The following CTNNA3 variants were observed in gnomAD, a reference collection of about 807,000 sequenced individuals.
CTNNA3 encodes catenin alpha-3.
CTNNA3 carries 76 observed loss-of-function variants against 95.7 expected under a neutral mutation model. That is an observed-to-expected ratio of 0.79 (90% CI 0.66 to 0.96). The LOEUF is 0.96. CTNNA3 is among the 40% of genes least tolerant of loss of function. The pLI, the probability that CTNNA3 is intolerant of heterozygous loss-of-function variation, is 0.00. For synonymous variants in CTNNA3, 431 were observed against 374.4 expected (o/e 1.15, Z -1.74); for missense variants, 1,191 against 1,089.8 (o/e 1.09, Z -1.31).
chr10:66,004,306 C>G (rs1012765020), intron 15 of CTNNA3, among the ~76,000 whole-genome samples: 2 of 152,214 alleles, frequency 1.3e-5, no homozygotes, highest in African/African-American at 4.8e-5. Context: ...TCTACCTGAA[C>G]CAATCCCAAG....
chr10:65,949,065 CTATT>C (rs10612375), intron 17 of CTNNA3, among the ~76,000 whole-genome samples: 28,309 of 151,908 alleles, frequency 0.19, 2,759 homozygotes, highest in South Asian at 0.28. Flanking sequence ...GAAACAAACT[CTATT>C]TATGAAATAA....
intron 9 of CTNNA3, among the ~76,000 whole-genome samples, chr10:66,633,100 A>T (rs1388559480): frequency 6.6e-6 from 1 of 152,156 alleles, no homozygotes; most frequent in African/African-American, 2.4e-5. Context: ...CTTTTCAGAG[A>T]GCAATTTAGT....
chr10:66,677,656 C>G (rs1300169535), intron 9 of CTNNA3, among the ~76,000 whole-genome samples: 1 of 152,116 alleles, frequency 6.6e-6, no homozygotes, highest in Admixed American at 6.6e-5. Context: ...TACACAAGCT[C>G]TCTTACCTGC....
chr10:67,178,713 T>C (rs1862361420), intron 7 of CTNNA3, among the ~76,000 whole-genome samples: 1 of 151,810 alleles, frequency 6.6e-6, no homozygotes, highest in Non-Finnish European at 1.5e-5. Flanking sequence ...TAAATGTATA[T>C]ATAACTTTAC....
intron 7 of CTNNA3, among the ~76,000 whole-genome samples, chr10:66,890,909 G>C (rs1361940138): frequency 6.6e-6 from 1 of 152,080 alleles, no homozygotes; most frequent in Non-Finnish European, 1.5e-5. Flanking sequence ...GAGAGAAGGA[G>C]CAGGGGCAGG....
intron 3 of CTNNA3, among the ~76,000 whole-genome samples, chr10:67,580,873 G>A (rs1842368077): frequency 6.6e-6 from 1 of 151,942 alleles, no homozygotes; most frequent in African/African-American, 2.4e-5. Context: ...TGTTATTGGT[G>A]TATAGGAATG....
intron 13 of CTNNA3, among the ~76,000 whole-genome samples, chr10:66,185,958 C>CAT (rs1433966601): frequency 6.6e-6 from 1 of 151,648 alleles, no homozygotes; most frequent in East Asian, 1.9e-4. Flanking sequence ...TACACATACA[C>CAT]ATATATATAC....
chr10:66,026,409 G>A (rs868096653), intron 15 of CTNNA3, among the ~76,000 whole-genome samples: 2 of 151,960 alleles, frequency 1.3e-5, no homozygotes, highest in African/African-American at 2.4e-5. Context: ...GTTTAGTCTC[G>A]ATTGTTCTCT....
chr10:65,914,511 C>T lies in CTNNA3; in HGVS notation c.*5819G>A, dbSNP rs1033656702. The T allele has an allele frequency of 6.6e-5, 10 of 152,124 alleles. No homozygotes were observed. Among genetic ancestry groups the T allele is most frequent in the South Asian group, 4.1e-4 (2 of 4,832 alleles). 9.4% of individuals were successfully genotyped at this position (152,124 alleles called of 1,614,324 possible). A position where few individuals can be genotyped will look rare whatever the true frequency, so the allele number is the denominator to read the frequency against. ...TGTATTCAGGCACATACTATGCACA[C>T]GTGTGACCTCCATAAAGAAGGAAAG... On this transcript the variant is annotated 3_prime_UTR_variant, in exon 18 of 18. Coordinates refer to ENST00000433211, the MANE Select transcript of CTNNA3 (RefSeq NM_013266.4).
chr10:66,405,172 C>T (rs1008250033), intron 11 of CTNNA3, among the ~76,000 whole-genome samples: 2 of 152,002 alleles, frequency 1.3e-5, no homozygotes, highest in South Asian at 2.1e-4. Context: ...TATTTGGACT[C>T]TAAAAATGTT....
chr10:66,361,011 C>A (rs1333936088), intron 12 of CTNNA3, among the ~76,000 whole-genome samples: 1 of 150,916 alleles, frequency 6.6e-6, no homozygotes, highest in Non-Finnish European at 1.5e-5. Context: ...AGCTGGAGTA[C>A]AGTAGTGCAA....
At chr10:67,278,911 A>G (rs1839289003) in intron 5 of CTNNA3, among the ~76,000 whole-genome samples, 1 of 152,204 alleles carries the variant, frequency 6.6e-6, no homozygotes, top group African/African-American at 2.4e-5. Flanking sequence ...TTTGTAGGGC[A>G]TGATTCCCCA....
rs552965855 is a variant in CTNNA3, at chr10:66,051,213, C to T, written c.2159+18095G>A. On this transcript the variant is annotated intron_variant, in intron 15 of 17. Coordinates refer to ENST00000433211, the MANE Select transcript of CTNNA3 (RefSeq NM_013266.4). The stretch of plus-strand genomic sequence containing the variant: ...ATTACATTTATTATTCCTCTAATTT[C>T]TGTAAGTCCTCAAGGACAGAAATTG... 9.5e-4 allele frequency among the ~76,000 whole-genome samples: 145 copies of T among 152,278 alleles called. 1 individual carries two copies. The highest frequency in any genetic ancestry group is 3.4e-3 in the African/African-American group (142 of 41,570).
At chr10:67,415,923 C>T (rs1399404367) in intron 5 of CTNNA3, among the ~76,000 whole-genome samples, 2 of 152,148 alleles carry the variant, frequency 1.3e-5, no homozygotes, top group South Asian at 2.1e-4. Context: ...ATAAATGGTG[C>T]TGGGATAACT....
rs190165102 is a variant in CTNNA3, at chr10:67,180,959, C to T, written c.844-439G>A. 2.6e-5 allele frequency among the ~76,000 whole-genome samples: 4 copies of T among 152,174 alleles called. No individual in the cohort carries two copies. In the East Asian group the frequency reaches 7.7e-4, roughly 29 times the overall value. On this transcript the variant is annotated intron_variant, in intron 6 of 17. Coordinates refer to ENST00000433211, the MANE Select transcript of CTNNA3 (RefSeq NM_013266.4). ...CTGTTTATACAATATTTTCATGTAT[C>T]TCATCCTGACAGCACCATGAGGAAG...
chr10:66,174,355 A>G (rs2085596293), intron 13 of CTNNA3, among the ~76,000 whole-genome samples: 1 of 152,068 alleles, frequency 6.6e-6, no homozygotes, highest in Non-Finnish European at 1.5e-5. Flanking sequence ...TTTCTTTACA[A>G]TATTATTGTG....
intron 7 of CTNNA3, among the ~76,000 whole-genome samples, chr10:66,904,405 C>G (rs1564755239): frequency 6.6e-6 from 1 of 151,928 alleles, no homozygotes; most frequent in Non-Finnish European, 1.5e-5. Flanking sequence ...ACCTAAAACC[C>G]CAAAAACCCT....
At chr10:66,654,875 T>C (rs762209349) in intron 9 of CTNNA3, among the ~76,000 whole-genome samples, 1 of 152,036 alleles carries the variant, frequency 6.6e-6, no homozygotes, top group Non-Finnish European at 1.5e-5. Flanking sequence ...CTAACTTACA[T>C]GTGAAATCTA....
chr10:67,064,407 A>C (rs988745701), intron 7 of CTNNA3, among the ~76,000 whole-genome samples: 2 of 152,142 alleles, frequency 1.3e-5, no homozygotes, highest in African/African-American at 4.8e-5. Flanking sequence ...AAATTACCAA[A>C]ATCTATAGAA....
Sources: allele counts gnomAD v4.1 joint callset (sites outside exome capture counted in the v4.1 genomes callset), GRCh38; gene constraint gnomAD v4.1.1; transcripts MANE v1.5; gene names NCBI Gene and HGNC (gene_info 2026-07-23, HGNC 2026-07-21).